The following IGF2R variants were observed in gnomAD, a reference collection of about 807,000 sequenced individuals.
IGF2R encodes the protein insulin like growth factor 2 receptor.
IGF2R carries 91 observed loss-of-function variants against 270.6 expected under a neutral mutation model. That is an observed-to-expected ratio of 0.34 (90% CI 0.28 to 0.40). IGF2R has a LOEUF of 0.40. Among genes scored for constraint, IGF2R ranks in the 10% least tolerant of loss-of-function variants. IGF2R has a pLI of 1.00. For synonymous variants in IGF2R, 1,316 were observed against 1,258.9 expected, an observed-to-expected ratio of 1.05 and a Z score of -0.96; for missense variants, 2,805 against 3,188.3, an observed-to-expected ratio of 0.88 and a Z score of 2.90.
chr6:160,093,794 A>G (rs1435095191), intron 44 of IGF2R: 4 of 738,728 alleles, frequency 5.4e-6, no homozygotes, highest in African/African-American at 1.7e-5. Context: ...AGATAACAAG[A>G]TCTCTCGTGA....
chr6:159,981,217 C>A (rs1317704458), intron 1 of IGF2R, among the ~76,000 whole-genome samples: 2 of 152,178 alleles, frequency 1.3e-5, no homozygotes, highest in Non-Finnish European at 1.5e-5. Flanking sequence ...GCATCCTTGT[C>A]CTGAGAGGTC....
intron 29 of IGF2R, 151 bp from the exon 30 acceptor site, chr6:160,068,098 G>C (rs1778628954): frequency 1.5e-6 from 1 of 665,672 alleles, no homozygotes; most frequent in Non-Finnish European, 2.7e-6. Context: ...GTGTGTGTGT[G>C]TGTGTGTGTG....
At chr6:160,104,216 G>A (rs1426543172) in intron 47 of IGF2R, among the ~76,000 whole-genome samples, 1 of 152,086 alleles carries the variant, frequency 6.6e-6, no homozygotes, top group Non-Finnish European at 1.5e-5. Flanking sequence ...GGTCTCGATG[G>A]GTAATGATGA....
rs372807490 is a variant in IGF2R, at chr6:160,008,733, C to T, written c.290-277C>T. 4.0e-4 allele frequency among the ~76,000 whole-genome samples: 61 copies of T among 151,990 alleles called. 1 individual carries two copies. Among genetic ancestry groups the T allele is most frequent in the African/African-American group, 1.4e-3 (57 of 41,446 alleles). On this transcript the variant is annotated intron_variant, in intron 2 of 47. Transcript: ENST00000356956. The stretch of plus-strand genomic sequence containing the variant: ...GCTGGAGCGCAGGTAGTGGTTTTAG[C>T]GGGAGTAGAGGTGGAGAAATGTGGA...
chr6:160,104,639 G>T, intron 47 of IGF2R, 35 bp from the exon 48 acceptor site: 1 of 1,586,896 alleles, frequency 6.3e-7, no homozygotes, highest in Non-Finnish European at 8.6e-7. Context: ...GTCTCTTAGG[G>T]GGCTCACGTG....
In IGF2R at chr6:160,065,498, G is replaced by A. The variant is rs374099102; in HGVS notation, c.4115+597G>A. ...GGTGAAATCATCATTTAAGTTTTAG[G>A]AACGTATGTAAATGCAAGCATTTAG... On this transcript the variant is annotated intron_variant, in intron 29 of 47. Coordinates refer to ENST00000356956, the MANE Select transcript of IGF2R (RefSeq NM_000876.4). Among the ~76,000 whole-genome samples the A allele has an allele frequency of 3.2e-4, 48 of 152,200 alleles. No homozygotes were observed. The South Asian group carries it at 8.9e-3, about 28-fold the overall frequency.
intron 45 of IGF2R, among the ~76,000 whole-genome samples, chr6:160,101,117 C>T (rs1430699378): frequency 6.6e-6 from 1 of 151,488 alleles, no homozygotes; most frequent in East Asian, 1.9e-4. Flanking sequence ...CTGACTGATG[C>T]AATTAACTAC....
chr6:159,991,148 C>G, intron 1 of IGF2R, 36 bp from the exon 2 acceptor site: 1 of 1,566,560 alleles, frequency 6.4e-7, no homozygotes, highest in Non-Finnish European at 8.7e-7. Flanking sequence ...TTTGATAAAT[C>G]AGTGACATTG....
chr6:160,027,210 G>T lies in IGF2R; in HGVS notation c.672G>T (p.Gln224His). ...ACACACTACGAGACCCAGGTTCACA[G>T]CTGCGGGCCTGTCCCCCCGGCACTG... ...DIDTLRDPGS[Q>H]LRACPPGTAA... The change falls in exon 6 of 48, where the codon CAG becomes CAT. Residue 224 changes from glutamine to histidine, a missense_variant. Transcript: ENST00000356956. The T allele has an allele frequency of 6.2e-7, 1 of 1,614,248 alleles. No homozygotes were observed. Among genetic ancestry groups the T allele is most frequent in the Non-Finnish European group, 8.5e-7 (1 of 1,180,040 alleles).
intron 1 of IGF2R, among the ~76,000 whole-genome samples, chr6:159,978,588 A>G (rs535368570): frequency 1.3e-5 from 2 of 152,258 alleles, no homozygotes; most frequent in Non-Finnish European, 2.9e-5. Context: ...AGGTGGGAAC[A>G]GAAGTGTCCA....
intron 10 of IGF2R, among the ~76,000 whole-genome samples, chr6:160,038,250 C>A (rs1197423009): frequency 6.6e-6 from 1 of 152,138 alleles, no homozygotes; most frequent in Non-Finnish European, 1.5e-5. Context: ...CAGAGCTAAT[C>A]CTAACATTGC....
Position 160,084,872 on chromosome 6 carries a change from G to T in IGF2R, c.6069-123G>T. 1 of 875,092 alleles carries T rather than the reference G, an allele frequency of 1.1e-6. No individual in the cohort carries two copies. 54.2% of individuals were successfully genotyped at this position (875,092 alleles called of 1,614,324 possible). ...AAAAGCTATTTTAGTGCTACATTCA[G>T]TGATGGAATGGAGCCCTTAGTTATC... On this transcript the variant is annotated intron_variant, in intron 40 of 47. Coordinates refer to ENST00000356956, the MANE Select transcript of IGF2R (RefSeq NM_000876.4). The surrounding 1 kb of genome is among the most constrained non-coding windows in gnomAD (Gnocchi z 4.6).
At position 159,978,160 on chromosome 6, in the gene IGF2R, T is replaced by G. The variant is rs138192761; in HGVS notation, c.149+8765T>G. On this transcript the variant is annotated intron_variant, in intron 1 of 47. Transcript: ENST00000356956. ...TCTTCATCTGTTTCATGATTGGCAC[T>G]CCACGTAAGCTTCCTCATGAGAAAG... 6.6e-3 allele frequency among the ~76,000 whole-genome samples: 1,003 copies of G among 152,306 alleles called. 12 individuals are homozygous for G. Among genetic ancestry groups the G allele is most frequent in the African/African-American group, 0.023 (971 of 41,554 alleles).
chr6:160,073,115 G>T, intron 33 of IGF2R, 98 bp from the exon 34 acceptor site: 1 of 1,496,788 alleles, frequency 6.7e-7, no homozygotes, highest in East Asian at 2.3e-5. Context: ...ATAAGTGTTG[G>T]CTATGAAATT....
intron 47 of IGF2R, among the ~76,000 whole-genome samples, chr6:160,104,244 G>A (rs1779560902): frequency 6.6e-6 from 1 of 152,128 alleles, no homozygotes; most frequent in African/African-American, 2.4e-5. Flanking sequence ...TCTAAAACTA[G>A]GCTTTTGACT....
intron 17 of IGF2R, 26 bp downstream of exon 17, chr6:160,047,933 T>C (rs1239523384): frequency 2.6e-5 from 38 of 1,439,348 alleles, no homozygotes; most frequent in Non-Finnish European, 3.6e-5. Context: ...CTGCTCTGTT[T>C]TTGGCCTGGT....
intron 22 of IGF2R, 84 bp downstream of exon 22, chr6:160,059,182 T>TGTGCACATCCTACACTCAGGAAG: frequency 8.9e-7 from 1 of 1,128,778 alleles, no homozygotes; most frequent in Non-Finnish European, 1.3e-6. Flanking sequence ...GAGTGTAGGA[T>TGTGCACATCCTACACTCAGGAAG]GTGCACATCC....
In IGF2R at chr6:160,069,765, C is replaced by T. The variant is rs1033318620; in HGVS notation, c.4253-103C>T. 3.0e-5 allele frequency: 29 copies of T among 982,890 alleles called. No individual in the cohort carries two copies. The East Asian group carries it at 3.8e-4, about 13-fold the overall frequency. 60.9% of individuals were successfully genotyped at this position (982,890 alleles called of 1,614,324 possible). ...GTATTTTGAAGTGACTCTTAGAAAG[C>T]GTATGAAGTTCTGCAGCGTGTGTGA... On this transcript the variant is annotated intron_variant, in intron 30 of 47. Coordinates refer to ENST00000356956, the MANE Select transcript of IGF2R (RefSeq NM_000876.4).
chr6:160,087,279 T>C (rs775838164), intron 41 of IGF2R, among the ~76,000 whole-genome samples: 1 of 152,178 alleles, frequency 6.6e-6, no homozygotes, highest in Non-Finnish European at 1.5e-5. Context: ...AGGGTACCTG[T>C]CAGGAAAGCA....
Sources: allele counts gnomAD v4.1 joint callset (sites outside exome capture counted in the v4.1 genomes callset), GRCh38; gene constraint gnomAD v4.1.1; non-coding constraint Gnocchi (gnomAD v3.1); transcripts MANE v1.5; gene names NCBI Gene and HGNC (gene_info 2026-07-23, HGNC 2026-07-21).